The following ZNF438 variants were observed in gnomAD, a reference collection of about 807,000 sequenced individuals.
The protein encoded by ZNF438 is zinc finger protein 438.
ZNF438 carries 25 observed loss-of-function variants against 38.0 expected under a neutral mutation model. That is an observed-to-expected ratio of 0.66 (90% CI 0.48 to 0.92). The LOEUF (loss-of-function observed/expected upper bound fraction) is 0.92. Ranked by LOEUF, ZNF438 falls within the 40% of genes least tolerant of loss-of-function variation. ZNF438 has a pLI of 0.00. For missense variants in ZNF438, 1,007 were observed against 999.6 expected, an observed-to-expected ratio of 1.01 and a Z score of -0.10; for synonymous variants, 372 against 364.1, an observed-to-expected ratio of 1.02 and a Z score of -0.25.
intron 4 of ZNF438, among the ~76,000 whole-genome samples, chr10:30,870,238 T>C (rs2037172548): frequency 6.6e-6 from 1 of 152,234 alleles, no homozygotes; most frequent in African/African-American, 2.4e-5. Context: ...CTAAAATTTA[T>C]TTTTAACCCC....
chr10:30,951,913 A>C (rs1322303012), intron 1 of ZNF438, among the ~76,000 whole-genome samples: 1 of 151,838 alleles, frequency 6.6e-6, no homozygotes, highest in Admixed American at 6.6e-5. Flanking sequence ...TAAAGTTCAT[A>C]TGGAACCAAA....
intron 2 of ZNF438, among the ~76,000 whole-genome samples, chr10:30,914,646 GTTTCACAGCA>G (rs2043410490): frequency 6.6e-6 from 1 of 151,884 alleles, no homozygotes; most frequent in Admixed American, 6.6e-5. Flanking sequence ...CTTTAAAGTG[GTTTCACAGCA>G]TTTCTCAAAG....
intron 3 of ZNF438, among the ~76,000 whole-genome samples, chr10:30,883,180 A>C (rs147402274): frequency 6.6e-6 from 1 of 152,316 alleles, no homozygotes; most frequent in African/African-American, 2.4e-5. Flanking sequence ...AAATAATACT[A>C]CTTTTTTGCC....
At chr10:30,946,844 T>C (rs1411099421) in intron 1 of ZNF438, among the ~76,000 whole-genome samples, 3 of 152,224 alleles carry the variant, frequency 2.0e-5, no homozygotes, top group Non-Finnish European at 2.9e-5. Flanking sequence ...TAGTTTTCCA[T>C]TTTATCTCCA....
At chr10:30,983,253 C>T (rs755061619) in intron 1 of ZNF438, among the ~76,000 whole-genome samples, 17 of 152,156 alleles carry the variant, frequency 1.1e-4, no homozygotes, top group East Asian at 1.9e-4. Flanking sequence ...TCCTTTCTTG[C>T]GCTGTTATAA....
chr10:30,862,987 T>C (rs911770141), intron 4 of ZNF438, among the ~76,000 whole-genome samples: 1 of 152,182 alleles, frequency 6.6e-6, no homozygotes, highest in African/African-American at 2.4e-5. Flanking sequence ...TATAGTAGAG[T>C]TTTACAGATG....
At chr10:30,986,134 CTA>C (rs898979978) in intron 1 of ZNF438, among the ~76,000 whole-genome samples, 7 of 152,158 alleles carry the variant, frequency 4.6e-5, no homozygotes, top group Admixed American at 2.0e-4. Flanking sequence ...TCAGTACACT[CTA>C]TGATACTTTC....
At chr10:31,015,411 AG>A (rs2056113049) in intron 1 of ZNF438, among the ~76,000 whole-genome samples, 1 of 152,202 alleles carries the variant, frequency 6.6e-6, no homozygotes. Flanking sequence ...TGGGAGGCAG[AG>A]GCAAGCAGAT....
intron 3 of ZNF438, among the ~76,000 whole-genome samples, chr10:30,900,269 G>C (rs2134232147): frequency 6.6e-6 from 1 of 151,640 alleles, no homozygotes; most frequent in East Asian, 1.9e-4. Flanking sequence ...TTCTTAGCTT[G>C]CAGGCCACAC....
intron 3 of ZNF438, among the ~76,000 whole-genome samples, chr10:30,907,123 C>T (rs1464433997): frequency 1.3e-5 from 2 of 152,136 alleles, no homozygotes; most frequent in South Asian, 2.1e-4. Context: ...CACAGGCATT[C>T]GCCACCACGC....
chr10:30,856,481 T>A (rs3900297), intron 4 of ZNF438, among the ~76,000 whole-genome samples: 97,416 of 151,780 alleles, frequency 0.64, 32,385 homozygotes, highest in African/African-American at 0.82. Flanking sequence ...AGATAGTATG[T>A]CTGCAGAGTC....
At chr10:30,953,558 A>G (rs935499514) in intron 1 of ZNF438, among the ~76,000 whole-genome samples, 4 of 151,754 alleles carry the variant, frequency 2.6e-5, no homozygotes, top group African/African-American at 9.7e-5. Flanking sequence ...GAAATATTTC[A>G]TAATGATGTA....
chr10:30,882,846 T>C (rs1236115651), intron 3 of ZNF438, among the ~76,000 whole-genome samples: 1 of 152,226 alleles, frequency 6.6e-6, no homozygotes, highest in African/African-American at 2.4e-5. Flanking sequence ...TATATGCAAT[T>C]GACTGTATGC....
At chr10:30,894,293 C>T (rs1458410157) in intron 3 of ZNF438, among the ~76,000 whole-genome samples, 1 of 152,140 alleles carries the variant, frequency 6.6e-6, no homozygotes, top group African/African-American at 2.4e-5. Flanking sequence ...CAAACTGCTT[C>T]GGGTGTTTGG....
At chr10:30,963,532 T>C (rs748874385) in intron 1 of ZNF438, among the ~76,000 whole-genome samples, 1 of 152,146 alleles carries the variant, frequency 6.6e-6, no homozygotes, top group South Asian at 2.1e-4. Context: ...TATCTCCTTA[T>C]ATGTTAGGAT....
intron 5 of ZNF438, 55 bp downstream of exon 6, chr10:30,848,476 C>T: frequency 6.5e-7 from 1 of 1,544,800 alleles, no homozygotes; most frequent in South Asian, 1.3e-5. Flanking sequence ...ATCTTCCCCT[C>T]TTCCCCAAAT....
intron 1 of ZNF438, among the ~76,000 whole-genome samples, chr10:30,962,125 C>T (rs541003480): frequency 6.8e-6 from 1 of 146,892 alleles, no homozygotes; most frequent in African/African-American, 2.4e-5. Context: ...AAGGTAACTT[C>T]TGTTATGCTC....
chr10:30,858,414 G>C (rs1437260246), intron 4 of ZNF438, among the ~76,000 whole-genome samples: 1 of 152,174 alleles, frequency 6.6e-6, no homozygotes, highest in Non-Finnish European at 1.5e-5. Context: ...TAACACAAGG[G>C]AGTGCAACTT....
intron 2 of ZNF438, among the ~76,000 whole-genome samples, chr10:30,913,180 A>G (rs1360889275): frequency 6.6e-6 from 1 of 152,072 alleles, no homozygotes; most frequent in East Asian, 1.9e-4. Flanking sequence ...AGTCAACTTC[A>G]TGCTTAAAAC....
Sources: allele counts gnomAD v4.1 joint callset (sites outside exome capture counted in the v4.1 genomes callset), GRCh38; gene constraint gnomAD v4.1.1; transcripts MANE v1.5; gene names NCBI Gene and HGNC (gene_info 2026-07-23, HGNC 2026-07-21).